Variants in PLXNC1 observed in about 807,000 individuals in gnomAD.
PLXNC1 encodes the protein plexin C1, also known as plexin-C1.
Under a neutral mutation model 178.2 loss-of-function variants are expected in PLXNC1, and 75 were observed. That is an observed-to-expected ratio of 0.42 (90% CI 0.35 to 0.51). PLXNC1 has a LOEUF of 0.51. Ranked by LOEUF, PLXNC1 falls within the 20% of genes least tolerant of loss-of-function variation. The pLI, the probability that PLXNC1 is intolerant of heterozygous loss-of-function variation, is 0.02. For missense variants in PLXNC1, 1,503 were observed against 1,984.4 expected (o/e 0.76, Z 4.61); for synonymous variants, 790 against 779.9 (o/e 1.01, Z -0.22).
At chr12:94,175,358 G>A (rs1160000347) in intron 2 of PLXNC1, among the ~76,000 whole-genome samples, 4 of 152,118 alleles carry the variant, frequency 2.6e-5, no homozygotes, top group East Asian at 3.8e-4. Context: ...TTGAACACCC[G>A]TGGCTTTTCC....
At chr12:94,154,810 T>G (rs904036969) in intron 1 of PLXNC1, among the ~76,000 whole-genome samples, 1 of 152,204 alleles carries the variant, frequency 6.6e-6, no homozygotes, top group African/African-American at 2.4e-5. Flanking sequence ...TTCTAGACAG[T>G]GTTGGTGTTC....
intron 10 of PLXNC1, among the ~76,000 whole-genome samples, chr12:94,239,181 T>C (rs1255433377): frequency 6.6e-6 from 1 of 152,216 alleles, no homozygotes. Flanking sequence ...CACATCTGTG[T>C]GGTGAAGCCA....
At chr12:94,174,028 AC>A (rs34260047) in intron 2 of PLXNC1, among the ~76,000 whole-genome samples, 31,083 of 151,764 alleles carry the variant, frequency 0.2, 3,338 homozygotes, top group East Asian at 0.31. Context: ...TGTCTCCCCG[AC>A]CTCCCAGGGA....
rs145256074 is a variant in PLXNC1, at chr12:94,216,806, C to A, written c.1555-3210C>A. Among the ~76,000 whole-genome samples the A allele has an allele frequency of 2.3e-3, 348 of 152,240 alleles. 1 individual carries two copies. The highest frequency in any genetic ancestry group is 7.9e-3 in the African/African-American group (329 of 41,540). ...TGTTGTGCAGCAAGCAATTCTTTGG[C>A]CTTGTGAATGTTGCGGGCTAATTGA... is the stretch of plus-strand genomic sequence containing the variant. On this transcript the variant is annotated intron_variant, in intron 5 of 30. Coordinates refer to ENST00000258526, the MANE Select transcript of PLXNC1 (RefSeq NM_005761.3).
intron 3 of PLXNC1, among the ~76,000 whole-genome samples, chr12:94,182,861 ATCTATCTATCTATCTATCTATC>A (rs1962366200): frequency 7.9e-6 from 1 of 125,990 alleles, no homozygotes. Flanking sequence ...GAATATCTGT[ATCTATCTATCTATCTATCTATC>A]TATCTATCTA....
chr12:94,239,404 T>C (rs1964321172), intron 10 of PLXNC1, among the ~76,000 whole-genome samples: 1 of 152,272 alleles, frequency 6.6e-6, no homozygotes, highest in African/African-American at 2.4e-5. Flanking sequence ...ATAAATTTCC[T>C]AGAGCTTTGC....
chr12:94,224,012 A>G (rs1963869370), intron 6 of PLXNC1, among the ~76,000 whole-genome samples: 1 of 152,202 alleles, frequency 6.6e-6, no homozygotes, highest in Non-Finnish European at 1.5e-5. Context: ...AGGTGGGTTC[A>G]GTCTGTTTGG....
chr12:94,267,946 G>GA (rs1007122818), intron 21 of PLXNC1, among the ~76,000 whole-genome samples: 3 of 152,052 alleles, frequency 2.0e-5, no homozygotes, highest in African/African-American at 7.3e-5. Flanking sequence ...TTATGTAATT[G>GA]AAAACCAAGG....
At chr12:94,268,373 C>T (rs552381936) in intron 21 of PLXNC1, among the ~76,000 whole-genome samples, 1 of 152,224 alleles carries the variant, frequency 6.6e-6, no homozygotes, top group South Asian at 2.1e-4. Context: ...CAAGCAAAGT[C>T]CCCTAGAGCC....
intron 23 of PLXNC1, among the ~76,000 whole-genome samples, chr12:94,287,384 A>G (rs55836966): frequency 0.21 from 32,604 of 152,000 alleles, 4,019 homozygotes; most frequent in Admixed American, 0.28. Context: ...AGTGGGGCAC[A>G]CTCGTCCCCT....
At chr12:94,288,769 A>G (rs571960453) in intron 23 of PLXNC1, among the ~76,000 whole-genome samples, 8 of 152,362 alleles carry the variant, frequency 5.3e-5, no homozygotes, top group Admixed American at 3.3e-4. Flanking sequence ...ATACTGACGG[A>G]GGGAGAGCAA....
At chr12:94,295,591 G>C (rs752412762) in intron 24 of PLXNC1, among the ~76,000 whole-genome samples, 1 of 152,140 alleles carries the variant, frequency 6.6e-6, no homozygotes, top group Non-Finnish European at 1.5e-5. Flanking sequence ...CTTACACCCT[G>C]CTAATACTCT....
chr12:94,273,179 C>T (rs1401026129), intron 21 of PLXNC1, among the ~76,000 whole-genome samples: 2 of 152,226 alleles, frequency 1.3e-5, no homozygotes, highest in African/African-American at 2.4e-5. Context: ...GATAAGCACT[C>T]AATAAATGCT....
At chr12:94,209,499 G>A (rs1963400645) in intron 4 of PLXNC1, 91 bp from the exon 5 acceptor site, 1 of 742,162 alleles carries the variant, frequency 1.3e-6, no homozygotes, top group Non-Finnish European at 2.4e-6. Flanking sequence ...CTGAAGCCAA[G>A]TATAAGAAAG....
intron 15 of PLXNC1, among the ~76,000 whole-genome samples, chr12:94,253,211 GAAAAAAAAAA>G (rs35584186): frequency 0.17 from 7,064 of 42,062 alleles, 767 homozygotes; most frequent in African/African-American, 0.39. Flanking sequence ...CTCCGTCTCA[GAAAAAAAAAA>G]AAAAAAAAAA....
chr12:94,292,112 C>CT (rs1416479253), intron 23 of PLXNC1, among the ~76,000 whole-genome samples: 5 of 152,184 alleles, frequency 3.3e-5, no homozygotes, highest in African/African-American at 1.2e-4. Flanking sequence ...CATGAACTAA[C>CT]ACATAGTAAT....
intron 28 of PLXNC1, among the ~76,000 whole-genome samples, chr12:94,302,810 AT>A (rs1189312487): frequency 6.6e-6 from 1 of 152,186 alleles, no homozygotes; most frequent in African/African-American, 2.4e-5. Context: ...TTGCAACTAG[AT>A]TGTAAGCTTC....
At chr12:94,221,916 G>T (rs1304421050) in intron 6 of PLXNC1, among the ~76,000 whole-genome samples, 1 of 152,186 alleles carries the variant, frequency 6.6e-6, no homozygotes, top group Non-Finnish European at 1.5e-5. Context: ...TTGGGTATTA[G>T]ATTCCAACTT....
At chr12:94,212,078 C>T (rs55791104) in intron 5 of PLXNC1, among the ~76,000 whole-genome samples, 30,690 of 151,078 alleles carry the variant, frequency 0.2, 3,204 homozygotes, top group Middle Eastern at 0.26. Flanking sequence ...ATCGAGACCA[C>T]CCCGGCTAAA....
Sources: allele counts gnomAD v4.1 joint callset (sites outside exome capture counted in the v4.1 genomes callset), GRCh38; gene constraint gnomAD v4.1.1; transcripts MANE v1.5; gene names NCBI Gene and HGNC (gene_info 2026-07-23, HGNC 2026-07-21).